MEGF6: variants seen among roughly 807,000 people sequenced by gnomAD.
The protein encoded by MEGF6 is multiple epidermal growth factor-like domains protein 6.
MEGF6 carries 184 observed loss-of-function variants against 207.1 expected under a neutral mutation model. The ratio of observed to expected loss-of-function variants is 0.89; its 90% confidence interval spans 0.79 to 1.00. The LOEUF (loss-of-function observed/expected upper bound fraction) is 1.00, where lower values mean the gene tolerates loss of function less well. Among genes scored for constraint, MEGF6 ranks in the 50% least tolerant of loss-of-function variants. MEGF6 has a pLI of 0.00. For synonymous variants in MEGF6, 1,038 were observed against 910.0 expected (o/e 1.14, Z -2.53); for missense variants, 2,282 against 2,202.9 (o/e 1.04, Z -0.72).
At chr1:3,508,273 T>G (rs1297427650) in intron 13 of MEGF6, among the ~76,000 whole-genome samples, 1 of 152,246 alleles carries the variant, frequency 6.6e-6, no homozygotes, top group Non-Finnish European at 1.5e-5. Flanking sequence ...TTTGCTGGCT[T>G]GCTTGTTGCT....
rs563083797 is a variant in MEGF6, at chr1:3,507,791, G to A, written c.1789+4C>T. ...CCAGAAGCACCAGAAGAGGCTGCAC[G>A]CACCATCCTCACAGTTAGTTCCACT... On this transcript the variant is annotated splice_donor_region_variant and intron_variant, in intron 14 of 36. Coordinates refer to ENST00000356575, the MANE Select transcript of MEGF6 (RefSeq NM_001409.4). 2.5e-5 allele frequency: 41 copies of A among 1,612,710 alleles called. No individual in the cohort carries two copies. The highest frequency in any genetic ancestry group is 3.3e-5 in the Admixed American group (2 of 60,008).
At chr1:3,513,766 A>C (rs1406814706) in intron 7 of MEGF6, among the ~76,000 whole-genome samples, 1 of 149,398 alleles carries the variant, frequency 6.7e-6, no homozygotes, top group African/African-American at 2.5e-5. Flanking sequence ...ATTAAAAAAA[A>C]AATTGTTTAG....
chr1:3,606,622 G>A lies in MEGF6; in HGVS notation c.132-4022C>T, dbSNP rs116108451. Among the ~76,000 whole-genome samples, 597 of 152,324 alleles carry A rather than the reference G, an allele frequency of 3.9e-3. 3 individuals carry two copies. Among genetic ancestry groups the A allele is most frequent in the African/African-American group, 0.012 (515 of 41,578 alleles). ...GTGAGCTAGTGTTACTGCAGATACT[G>A]GGACTGTTTATTCCGGAAAAAGTGT... On this transcript the variant is annotated intron_variant, in intron 1 of 36. Transcript: ENST00000356575.
At chr1:3,505,387 C>CGG in intron 16 of MEGF6, 35 bp downstream of exon 16, 1 of 1,596,704 alleles carries the variant, frequency 6.3e-7, no homozygotes, top group South Asian at 1.1e-5. Flanking sequence ...CCGACCCTGG[C>CGG]GCCCCCCGCC....
At chr1:3,535,005 C>CCA (rs1642283510) in intron 4 of MEGF6, among the ~76,000 whole-genome samples, 1 of 152,202 alleles carries the variant, frequency 6.6e-6, no homozygotes, top group African/African-American at 2.4e-5. Context: ...AGGACTGGGG[C>CCA]CACAGAGGCA....
In MEGF6 at chr1:3,560,193, A is replaced by T. The variant is rs1308383154; in HGVS notation, c.481+19632T>A. ...TTTAAAGCACTTTTAGGCTTATGGA[A>T]AAACTGGACAGAAAGTACAGAGTTT... is the stretch of plus-strand genomic sequence containing the variant. On this transcript the variant is annotated intron_variant, in intron 4 of 36. Coordinates refer to ENST00000356575, the MANE Select transcript of MEGF6 (RefSeq NM_001409.4). This position sits in a 1 kb window ranked among gnomAD's most constrained non-coding sequence, Gnocchi z 4.0. Among the ~76,000 whole-genome samples the T allele has an allele frequency of 1.3e-5, 2 of 152,092 alleles. No homozygotes were observed. Among genetic ancestry groups the T allele is most frequent in the Non-Finnish European group, 2.9e-5 (2 of 68,006 alleles).
At position 3,490,229 on chromosome 1, in the gene MEGF6, C is replaced by T. The variant is rs1237414316; in HGVS notation, c.*299G>A. The stretch of plus-strand genomic sequence containing the variant: ...GCGCCCACACCTGTCCTCAGTCCAA[C>T]TCAGAGCCGCGGGGAGAGCGGGACT... On this transcript the variant is annotated 3_prime_UTR_variant, in exon 37 of 37. Coordinates refer to ENST00000356575, the MANE Select transcript of MEGF6 (RefSeq NM_001409.4). 2 of 478,638 alleles carry T rather than the reference C, an allele frequency of 4.2e-6. No individual in the cohort carries two copies. Among genetic ancestry groups the T allele is most frequent in the Non-Finnish European group, 7.4e-6 (2 of 270,958 alleles). 29.6% of individuals were successfully genotyped at this position (478,638 alleles called of 1,614,324 possible). A position where few individuals can be genotyped will look rare whatever the true frequency, so the allele number is the denominator to read the frequency against.
At chr1:3,512,237 A>G in intron 7 of MEGF6, 109 bp from the exon 8 acceptor site, 1 of 1,399,614 alleles carries the variant, frequency 7.1e-7, no homozygotes, top group Non-Finnish European at 9.7e-7. Context: ...CTGTGGCCGC[A>G]TGACACAGGC....
intron 5 of MEGF6, among the ~76,000 whole-genome samples, chr1:3,517,064 C>T (rs1377189028): frequency 1.3e-5 from 2 of 152,250 alleles, no homozygotes; most frequent in African/African-American, 4.8e-5. Flanking sequence ...CTCCAGGGGC[C>T]TCTGAGCATG....
chr1:3,606,731 C>T (rs1255746054), intron 1 of MEGF6, among the ~76,000 whole-genome samples: 2 of 152,216 alleles, frequency 1.3e-5, no homozygotes, highest in East Asian at 3.8e-4. Context: ...ACGCACTTAC[C>T]CACGGCGAGC....
chr1:3,607,388 C>G (rs1644265248), intron 1 of MEGF6, among the ~76,000 whole-genome samples: 1 of 152,178 alleles, frequency 6.6e-6, no homozygotes, highest in Non-Finnish European at 1.5e-5. Flanking sequence ...AGGCTGTGGT[C>G]CCTGAAAGCA....
Position 3,488,910 on chromosome 1 carries a change from T to TA in MEGF6, c.*1617dup, listed in dbSNP as rs1410191835. 6.6e-6 allele frequency among the ~76,000 whole-genome samples: 1 copy of TA among 152,232 alleles called. No individual in the cohort carries two copies. Among genetic ancestry groups the TA allele is most frequent in the Non-Finnish European group, 1.5e-5 (1 of 68,034 alleles). ...TCGTTGCTTCATGTCAATGACTTCT[T>TA]ACTTTTGTATTTTGCAGTTAGATGG... On this transcript the variant is annotated 3_prime_UTR_variant, in exon 37 of 37. Transcript: ENST00000356575.
intron 5 of MEGF6, among the ~76,000 whole-genome samples, chr1:3,522,960 T>C (rs951690620): frequency 6.6e-6 from 1 of 152,188 alleles, no homozygotes; most frequent in African/African-American, 2.4e-5. Context: ...CCCGTCTCCG[T>C]TGTCCGGAAG....
At chr1:3,534,104 G>A (rs956754815) in intron 4 of MEGF6, among the ~76,000 whole-genome samples, 1 of 152,146 alleles carries the variant, frequency 6.6e-6, no homozygotes, top group African/African-American at 2.4e-5. Context: ...TCAGGCACTC[G>A]GAGTCTACGG....
chr1:3,574,264 G>A (rs1365156349), intron 4 of MEGF6, among the ~76,000 whole-genome samples: 1 of 151,946 alleles, frequency 6.6e-6, no homozygotes, highest in African/African-American at 2.4e-5. Context: ...GAGAGAGGCC[G>A]AGGACCTTCT....
intron 5 of MEGF6, among the ~76,000 whole-genome samples, chr1:3,519,200 C>T (rs1248172132): frequency 1.3e-5 from 2 of 152,256 alleles, no homozygotes; most frequent in African/African-American, 2.4e-5. Flanking sequence ...GCCCAGCGCC[C>T]GCCTTTCTGG....
chr1:3,614,518 A>C (rs765515661), upstream of MEGF6, among the ~76,000 whole-genome samples: 6 of 152,222 alleles, frequency 3.9e-5, no homozygotes, highest in Admixed American at 6.5e-5. Context: ...ATCTTTGTCC[A>C]TTTTCATAAT....
At position 3,511,554 on chromosome 1, in the gene MEGF6, G is replaced by A; in HGVS notation, c.1110C>T (p.Cys370=). 1 of 1,605,444 alleles carries A rather than the reference G, an allele frequency of 6.2e-7. No homozygotes were observed. The highest frequency in any genetic ancestry group is 8.5e-7 in the Non-Finnish European group (1 of 1,174,330). The change falls in exon 9 of 37, where the codon TGC becomes TGT. Residue 370 remains cysteine, a synonymous_variant. Coordinates refer to ENST00000356575, the MANE Select transcript of MEGF6 (RefSeq NM_001409.4). ...CTGGGAGGAGCCAGTGCGCACCGAT[G>A]CAGGTCCTCTGATCTGTGTCCAGCT... The part of the protein sequence containing the change: ...GYELDTDQRT[C]IDVDDCADSP...
At position 3,501,288 on chromosome 1, in the gene MEGF6, C is replaced by T. The variant is rs1371672580; in HGVS notation, c.2335G>A (p.Gly779Arg). The change falls in exon 19 of 37, where the codon GGG becomes AGG. Residue 779 changes from glycine to arginine, a missense_variant. Transcript: ENST00000356575. ...CEADCPEGRW[G>R]LGCQEICPAC... ...GGGCAGATCTCCTGGCAGCCCAGCCCCCAGCGGCCCTCGGGACAATCTAGT... is the reference window on the plus strand; with the variant it reads ...GGGCAGATCTCCTGGCAGCCCAGCCTCCAGCGGCCCTCGGGACAATCTAGT... 1.9e-6 allele frequency: 3 copies of T among 1,602,220 alleles called. No individual in the cohort carries two copies. The highest frequency in any genetic ancestry group is 2.6e-6 in the Non-Finnish European group (3 of 1,175,166).
Sources: gnomAD v4.1 joint callset for allele counts (sites outside exome capture counted in the v4.1 genomes callset) on GRCh38, gnomAD v4.1.1 for gene constraint, Gnocchi (gnomAD v3.1) non-coding constraint, MANE v1.5 for transcripts, NCBI Gene and HGNC (gene_info 2026-07-23, HGNC 2026-07-21) for gene names.